The following SEM1 variants were observed in gnomAD, a reference collection of about 807,000 sequenced individuals.
SEM1 encodes SEM1 26S proteasome subunit, also known as 26S proteasome complex subunit SEM1.
A neutral mutation model predicts 12.7 loss-of-function variants in SEM1; 3 were observed. The observed-to-expected ratio is 0.24, with a 90% CI of 0.11 to 0.61. SEM1 has a LOEUF of 0.61. SEM1 is among the 20% of genes least tolerant of loss of function. The probability of loss-of-function intolerance (pLI) is 0.88; values close to 1 mark genes in which losing one functional copy is unlikely to be tolerated. For missense variants in SEM1, 59 were observed against 81.3 expected, an observed-to-expected ratio of 0.73 and a Z score of 1.06; for synonymous variants, 30 against 27.8, an observed-to-expected ratio of 1.08 and a Z score of -0.25.
chr7:96,504,940 A>G (rs1204279948), intron 3 of SEM1, among the ~76,000 whole-genome samples: 1 of 151,758 alleles, frequency 6.6e-6, no homozygotes, highest in African/African-American at 2.4e-5. Flanking sequence ...TTGCATCCCC[A>G]TGGTGTAGCT....
chr7:96,577,104 C>T (rs567137643), intron 2 of SEM1, among the ~76,000 whole-genome samples: 1 of 89,838 alleles, frequency 1.1e-5, no homozygotes, highest in Non-Finnish European at 2.3e-5. Context: ...GCAACAAGAG[C>T]AAAACTCTGT....
intron 2 of SEM1, among the ~76,000 whole-genome samples, chr7:96,604,811 C>T (rs1258216612): frequency 6.6e-6 from 1 of 152,004 alleles, no homozygotes; most frequent in Non-Finnish European, 1.5e-5. Flanking sequence ...CCTAGCTACT[C>T]AGGACGCTGA....
chr7:96,582,407 C>G (rs1018034972), intron 2 of SEM1, among the ~76,000 whole-genome samples: 1 of 150,562 alleles, frequency 6.6e-6, no homozygotes, highest in African/African-American at 2.4e-5. Flanking sequence ...CATCAATGTT[C>G]ATCAAGGATA....
chr7:96,520,809 G>C (rs561080334), intron 2 of SEM1, among the ~76,000 whole-genome samples: 2 of 152,076 alleles, frequency 1.3e-5, no homozygotes, highest in Non-Finnish European at 2.9e-5. Context: ...AGGCTAGTAG[G>C]CTGGCCTCCC....
intron 2 of SEM1, among the ~76,000 whole-genome samples, chr7:96,679,788 A>G (rs984142381): frequency 3.3e-5 from 5 of 152,146 alleles, no homozygotes; most frequent in African/African-American, 1.2e-4. Context: ...TTCCTAATCT[A>G]TGCTGATTCT....
intron 2 of SEM1, among the ~76,000 whole-genome samples, chr7:96,541,939 T>G (rs983735032): frequency 7.5e-6 from 1 of 133,330 alleles, no homozygotes; most frequent in Non-Finnish European, 1.6e-5. Flanking sequence ...CATTGGCCTA[T>G]GTGTCTTTTT....
chr7:96,684,750 T>C (rs931501534), downstream of SEM1, among the ~76,000 whole-genome samples: 3 of 152,082 alleles, frequency 2.0e-5, no homozygotes, highest in Non-Finnish European at 4.4e-5. Context: ...ATCAAGTTAA[T>C]TTTAACTCAG....
At chr7:96,492,988 A>G (rs896462523) in intron 1 of SEM1, among the ~76,000 whole-genome samples, 2 of 152,172 alleles carry the variant, frequency 1.3e-5, no homozygotes, top group Non-Finnish European at 2.9e-5. Context: ...TTGTTTTGAG[A>G]TGGAGTCTCA....
At chr7:96,499,373 A>G (rs1258639797), upstream of SEM1, among the ~76,000 whole-genome samples, 6 of 152,246 alleles carry the variant, frequency 3.9e-5, no homozygotes, top group Middle Eastern at 0.014. Context: ...GACTCTCATA[A>G]GTAGATTCTT....
chr7:96,506,424 T>C (rs930846671), intron 3 of SEM1, among the ~76,000 whole-genome samples: 7 of 152,148 alleles, frequency 4.6e-5, no homozygotes, highest in Non-Finnish European at 8.8e-5. Context: ...ATTAAAATAT[T>C]ATGGCCTTTT....
At chr7:96,591,366 G>A (rs748494490) in intron 2 of SEM1, among the ~76,000 whole-genome samples, 4 of 152,134 alleles carry the variant, frequency 2.6e-5, no homozygotes, top group African/African-American at 4.8e-5. Flanking sequence ...CCAGAATGGC[G>A]AACTCTGAAC....
intron 2 of SEM1, among the ~76,000 whole-genome samples, chr7:96,636,719 G>C (rs1281674443): frequency 2.6e-5 from 4 of 151,978 alleles, no homozygotes; most frequent in African/African-American, 4.8e-5. Flanking sequence ...ATTAGGGAAG[G>C]GTTAGCTCTG....
At chr7:96,584,476 G>T (rs547200775) in intron 2 of SEM1, among the ~76,000 whole-genome samples, 1 of 152,096 alleles carries the variant, frequency 6.6e-6, no homozygotes, top group African/African-American at 2.4e-5. Flanking sequence ...GAGTATCTTT[G>T]TGGCATTCTC....
intron 2 of SEM1, among the ~76,000 whole-genome samples, chr7:96,586,329 C>T (rs1806635754): frequency 6.6e-6 from 1 of 152,128 alleles, no homozygotes; most frequent in Non-Finnish European, 1.5e-5. Flanking sequence ...AGACACAAAT[C>T]CCAGAGGCTG....
intron 2 of SEM1, among the ~76,000 whole-genome samples, chr7:96,522,910 AAG>A (rs1300353030): frequency 6.6e-6 from 1 of 151,112 alleles, no homozygotes; most frequent in Admixed American, 6.6e-5. Flanking sequence ...AAAAAAAAAA[AAG>A]AGAGATGTTG....
At chr7:96,647,580 T>C (rs929294012) in intron 2 of SEM1, 1 of 152,136 alleles carries the variant, frequency 6.6e-6, no homozygotes, top group African/African-American at 2.4e-5. Flanking sequence ...CTGAAACCAG[T>C]TGAATACAAA....
chr7:96,483,907 G>A, exon 4 of SEM1: 1 of 1,536,690 alleles, frequency 6.5e-7, no homozygotes, highest in Non-Finnish European at 8.7e-7. Context: ...CACCCGAATG[G>A]CAGCCAGGCA....
intron 2 of SEM1, among the ~76,000 whole-genome samples, chr7:96,646,803 A>C (rs373684229): frequency 4.3e-4 from 65 of 152,264 alleles, no homozygotes; most frequent in East Asian, 2.5e-3. Flanking sequence ...CACAGAGTTT[A>C]TTTCTTTCTT....
intron 1 of SEM1, chr7:96,696,251 T>G (rs979121161): frequency 2.0e-5 from 3 of 151,796 alleles, no homozygotes; most frequent in Non-Finnish European, 4.4e-5. Context: ...AACTGGCTCA[T>G]GAAGAGGGGG....
Sources: gnomAD v4.1 joint callset for allele counts (sites outside exome capture counted in the v4.1 genomes callset) on GRCh38, gnomAD v4.1.1 for gene constraint, MANE v1.5 for transcripts, NCBI Gene and HGNC (gene_info 2026-07-23, HGNC 2026-07-21) for gene names.